Variants in PILRA observed in about 807,000 individuals in gnomAD.
PILRA encodes the protein paired immunoglobulin-like type 2 receptor alpha.
In PILRA, 37 loss-of-function variants were observed where a neutral mutation model predicts 33.1. The observed-to-expected ratio is 1.12, with a 90% CI of 0.86 to 1.47. The LOEUF (loss-of-function observed/expected upper bound fraction) is 1.47. Ranked by LOEUF, PILRA falls within the 40% of genes most tolerant of loss-of-function variation. PILRA has a pLI of 0.00. For synonymous variants in PILRA, 146 were observed against 149.9 expected (o/e 0.97, Z 0.19); for missense variants, 312 against 376.2 (o/e 0.83, Z 1.41).
Position 100,391,717 on chromosome 7 carries a change from T to C in PILRA, c.673+1611T>C, listed in dbSNP as rs1023030808. ...ATAAATAAATAAGTTGATTGTTAGA[T>C]TGATGTAGGGGCGAGGGAGCAGGAA... On this transcript the variant is annotated intron_variant, in intron 3 of 6. Transcript: ENST00000198536. Among the ~76,000 whole-genome samples the C allele has an allele frequency of 3.3e-5, 5 of 152,258 alleles. No homozygotes were observed. The South Asian group carries it at 1.0e-3, about 32-fold the overall frequency.
intron 2 of PILRA, among the ~76,000 whole-genome samples, chr7:100,383,752 T>A (rs902821008): frequency 6.6e-6 from 1 of 152,056 alleles, no homozygotes; most frequent in African/African-American, 2.4e-5. Context: ...TTCTCCTGCA[T>A]CAGCCTCCTG....
At chr7:100,394,853 C>G (rs1170777535) in intron 3 of PILRA, among the ~76,000 whole-genome samples, 1 of 152,090 alleles carries the variant, frequency 6.6e-6, no homozygotes, top group African/African-American at 2.4e-5. Context: ...GGATTAAAGA[C>G]CTAAATGTAA....
intron 2 of PILRA, among the ~76,000 whole-genome samples, chr7:100,384,280 T>C (rs565763662): frequency 6.6e-6 from 1 of 151,832 alleles, no homozygotes; most frequent in Admixed American, 6.6e-5. Context: ...CATCTTACGT[T>C]TGAGTCGTTA....
chr7:100,380,566 C>A (rs984194311), intron 2 of PILRA, among the ~76,000 whole-genome samples: 1 of 152,050 alleles, frequency 6.6e-6, no homozygotes. Context: ...GAGTCCAAGA[C>A]AGGAGGATTA....
At chr7:100,384,799 A>G (rs1375540944) in intron 2 of PILRA, among the ~76,000 whole-genome samples, 1 of 152,112 alleles carries the variant, frequency 6.6e-6, no homozygotes, top group Non-Finnish European at 1.5e-5. Flanking sequence ...TACCACTGAT[A>G]TTTAATGTCA....
At chr7:100,380,026 A>G (rs1791051965) in intron 2 of PILRA, among the ~76,000 whole-genome samples, 1 of 152,216 alleles carries the variant, frequency 6.6e-6, no homozygotes, top group African/African-American at 2.4e-5. Context: ...ACTAGAGGAC[A>G]TTGAAAATCT....
chr7:100,377,692 GC>G (rs1790986883), intron 2 of PILRA, among the ~76,000 whole-genome samples: 2 of 152,118 alleles, frequency 1.3e-5, no homozygotes, highest in African/African-American at 4.8e-5. Context: ...GTTTCAGTGA[GC>G]CAAGATCGCA....
chr7:100,375,351 C>T (rs1446968229), intron 2 of PILRA, among the ~76,000 whole-genome samples: 1 of 152,212 alleles, frequency 6.6e-6, no homozygotes, highest in Non-Finnish European at 1.5e-5. Context: ...CTGCTATTCT[C>T]TTCAGTTTAC....
chr7:100,392,213 G>A (rs954631169), intron 3 of PILRA, among the ~76,000 whole-genome samples: 2 of 152,174 alleles, frequency 1.3e-5, no homozygotes, highest in African/African-American at 4.8e-5. Flanking sequence ...AGAGGCTGAG[G>A]TGGAAGAATT....
chr7:100,375,746 A>G (rs1383090311), intron 2 of PILRA, among the ~76,000 whole-genome samples: 1 of 152,120 alleles, frequency 6.6e-6, no homozygotes, highest in Non-Finnish European at 1.5e-5. Flanking sequence ...AAACAAACAA[A>G]CAAACAAACA....
chr7:100,399,724 G>A lies in PILRA; in HGVS notation c.790-61G>A, dbSNP rs1001747157. 3.7e-6 allele frequency: 6 copies of A among 1,611,672 alleles called. No individual in the cohort carries two copies. The African/African-American group carries it at 5.3e-5, about 14-fold the overall frequency. Reference sequence around the variant, plus strand: ...AGGAGAGTCAAACTGTAGGCTTGCCGCTAAGATGGGAACAGCTCCGTCTCC... The same window carrying A: ...AGGAGAGTCAAACTGTAGGCTTGCCACTAAGATGGGAACAGCTCCGTCTCC... On this transcript the variant is annotated intron_variant, in intron 6 of 6. Coordinates refer to ENST00000198536, the MANE Select transcript of PILRA (RefSeq NM_013439.3).
chr7:100,389,287 T>A (rs539678206), intron 2 of PILRA, among the ~76,000 whole-genome samples: 5 of 152,324 alleles, frequency 3.3e-5, no homozygotes, highest in African/African-American at 9.6e-5. Flanking sequence ...TTAAAAAAAA[T>A]GTTTCCATTG....
intron 4 of PILRA, 80 bp from the exon 5 acceptor site, chr7:100,399,211 G>A: frequency 2.1e-6 from 2 of 973,572 alleles, no homozygotes; most frequent in Non-Finnish European, 3.2e-6. Context: ...AAAGTGCTGG[G>A]ATTACAGGTG....
At chr7:100,384,412 CAAA>C (rs999346902) in intron 2 of PILRA, among the ~76,000 whole-genome samples, 4 of 107,804 alleles carry the variant, frequency 3.7e-5, no homozygotes, top group South Asian at 3.0e-4. Flanking sequence ...CCGTCTCTAC[CAAA>C]AAAAAAAAAA....
chr7:100,378,861 G>C (rs1791012843), intron 2 of PILRA, among the ~76,000 whole-genome samples: 1 of 152,144 alleles, frequency 6.6e-6, no homozygotes, highest in Non-Finnish European at 1.5e-5. Flanking sequence ...GGGAGGTCAA[G>C]GCGGGTGGAT....
At position 100,374,030 on chromosome 7, in the gene PILRA, C is replaced by G; in HGVS notation, c.65-14C>G. ...TTCAAGGTCTCTCCCCTACTCACTC[C>G]CTCCCTCCTCTAGGTGGCTCCACAG... On this transcript the variant is annotated splice_polypyrimidine_tract_variant and intron_variant, in intron 1 of 6. Transcript: ENST00000198536. 6.2e-7 allele frequency: 1 copy of G among 1,611,412 alleles called. No homozygotes were observed. The highest frequency in any genetic ancestry group is 1.3e-5 in the African/African-American group (1 of 74,960).
chr7:100,376,761 CTTTTTT>C (rs34944697), intron 2 of PILRA, among the ~76,000 whole-genome samples: 5 of 75,038 alleles, frequency 6.7e-5, no homozygotes, highest in South Asian at 9.0e-4. Context: ...CTTGCTCTGC[CTTTTTT>C]TTTTTTTTTT....
At chr7:100,397,837 T>C in intron 3 of PILRA, 42 bp from the exon 4 acceptor site, 1 of 1,608,058 alleles carries the variant, frequency 6.2e-7, no homozygotes, top group Non-Finnish European at 8.5e-7. Context: ...GAGACTGCCA[T>C]CACCCGGATG....
intron 2 of PILRA, among the ~76,000 whole-genome samples, chr7:100,384,334 T>A (rs1170900321): frequency 6.7e-6 from 1 of 148,904 alleles, no homozygotes; most frequent in East Asian, 2.0e-4. Flanking sequence ...TCTCTGAGTC[T>A]AGAGTGCAGG....
Sources: gnomAD v4.1 joint callset for allele counts (sites outside exome capture counted in the v4.1 genomes callset) on GRCh38, gnomAD v4.1.1 for gene constraint, MANE v1.5 for transcripts, NCBI Gene and HGNC (gene_info 2026-07-23, HGNC 2026-07-21) for gene names.